CLCN3: variants seen among roughly 807,000 people sequenced by gnomAD.
CLCN3 encodes the protein Cl-/H+ antiporter 3.
CLCN3 carries 16 observed loss-of-function variants against 83.4 expected under a neutral mutation model. That is an observed-to-expected ratio of 0.19 (90% CI 0.13 to 0.29). The LOEUF (loss-of-function observed/expected upper bound fraction) is 0.29. Ranked by LOEUF, CLCN3 falls within the 10% of genes least tolerant of loss-of-function variation. CLCN3 has a pLI of 1.00. For synonymous variants in CLCN3, 322 were observed against 346.2 expected (o/e 0.93, Z 0.78); for missense variants, 544 against 1,006.0 (o/e 0.54, Z 6.21).
At chr4:169,679,937 G>A in intron 2 of CLCN3, 113 bp from the exon 3 acceptor site, 2 of 823,600 alleles carry the variant, frequency 2.4e-6, no homozygotes, top group Admixed American at 2.2e-5. Flanking sequence ...TGGAGACGAG[G>A]GAGAGGGAGA....
intron 2 of CLCN3, 104 bp downstream of exon 2, chr4:169,636,192 G>A (rs1007261282): frequency 2.9e-6 from 3 of 1,031,268 alleles, no homozygotes. Context: ...TTAAAAATTT[G>A]AGATCAAATT....
intron 4 of CLCN3, among the ~76,000 whole-genome samples, chr4:169,688,287 C>G (rs1444364931): frequency 6.6e-6 from 1 of 152,148 alleles, no homozygotes; most frequent in African/African-American, 2.4e-5. Flanking sequence ...AAGACCTATC[C>G]CCTTCATCAC....
rs1263399111 is a variant in CLCN3, at chr4:169,620,842, C to G, written c.-238C>G. 2.5e-6 allele frequency: 1 copy of G among 398,412 alleles called. No individual in the cohort carries two copies. Among genetic ancestry groups the G allele is most frequent in the Non-Finnish European group, 4.4e-6 (1 of 226,068 alleles). 24.7% of individuals were successfully genotyped at this position (398,412 alleles called of 1,614,324 possible). ...CGAGAGGATTTAACTTCATGTTGCT[C>G]CCGTGTTTGAAGGAGGACAATAAAA... On this transcript the variant is annotated 5_prime_UTR_variant, in exon 1 of 13. Transcript: ENST00000513761.
At chr4:169,657,126 A>G (rs1730910808) in intron 2 of CLCN3, among the ~76,000 whole-genome samples, 1 of 152,048 alleles carries the variant, frequency 6.6e-6, no homozygotes, top group Non-Finnish European at 1.5e-5. Context: ...ACATTGTGTC[A>G]TTTATATAGG....
chr4:169,698,527 C>T (rs1732655752), intron 9 of CLCN3, among the ~76,000 whole-genome samples: 2 of 152,074 alleles, frequency 1.3e-5, no homozygotes. Context: ...TTAATGTAGC[C>T]AAAGAAGTCT....
At chr4:169,660,189 T>A (rs947867307) in intron 2 of CLCN3, 3 of 1,170,536 alleles carry the variant, frequency 2.6e-6, no homozygotes, top group Non-Finnish European at 3.2e-6. Context: ...AATTTCCCTT[T>A]GATGACATCA....
intron 1 of CLCN3, among the ~76,000 whole-genome samples, chr4:169,624,155 A>C (rs1299171213): frequency 5.3e-5 from 8 of 151,982 alleles, no homozygotes; most frequent in Admixed American, 5.2e-4. Context: ...TTTTTTTGAG[A>C]TAGACTCTTG....
At chr4:169,688,521 A>T (rs942220622) in intron 4 of CLCN3, among the ~76,000 whole-genome samples, 10 of 152,130 alleles carry the variant, frequency 6.6e-5, no homozygotes, top group African/African-American at 2.2e-4. Context: ...TATGTAACCC[A>T]CTGATCTCTT....
chr4:169,670,333 G>A (rs1731409105), intron 2 of CLCN3, among the ~76,000 whole-genome samples: 1 of 152,126 alleles, frequency 6.6e-6, no homozygotes, highest in Non-Finnish European at 1.5e-5. Context: ...CATATGGATA[G>A]CCAGTTTTCC....
chr4:169,672,689 A>C (rs1361611582), intron 2 of CLCN3, among the ~76,000 whole-genome samples: 1 of 152,056 alleles, frequency 6.6e-6, no homozygotes, highest in Non-Finnish European at 1.5e-5. Context: ...TTTGAGATGG[A>C]GTCTTGCTCT....
chr4:169,659,140 A>G (rs992777422), intron 2 of CLCN3, among the ~76,000 whole-genome samples: 1 of 152,118 alleles, frequency 6.6e-6, no homozygotes, highest in Non-Finnish European at 1.5e-5. Flanking sequence ...CTTCTAATGA[A>G]CAACACCTTT....
intron 3 of CLCN3, among the ~76,000 whole-genome samples, chr4:169,685,543 A>G (rs1315485787): frequency 1.3e-5 from 2 of 152,024 alleles, no homozygotes; most frequent in Non-Finnish European, 2.9e-5. Context: ...ATTCTTTTTA[A>G]TTGCTGCAGA....
chr4:169,712,327 T>A (rs940039336), intron 11 of CLCN3, among the ~76,000 whole-genome samples: 2 of 152,186 alleles, frequency 1.3e-5, no homozygotes, highest in East Asian at 3.8e-4. Context: ...TCTTTGCCAC[T>A]TCTTGTCTAG....
chr4:169,669,255 G>A (rs1731369132), intron 2 of CLCN3, among the ~76,000 whole-genome samples: 1 of 152,158 alleles, frequency 6.6e-6, no homozygotes, highest in Non-Finnish European at 1.5e-5. Context: ...AAATTAACTG[G>A]AAAAGAGGAT....
intron 2 of CLCN3, among the ~76,000 whole-genome samples, chr4:169,669,649 G>C (rs558338533): frequency 2.0e-5 from 3 of 152,258 alleles, no homozygotes; most frequent in Admixed American, 2.0e-4. Flanking sequence ...GATCTTACCT[G>C]TATCTCACTT....
intron 12 of CLCN3, among the ~76,000 whole-genome samples, chr4:169,719,532 C>T (rs570640012): frequency 6.6e-6 from 1 of 152,322 alleles, no homozygotes; most frequent in Admixed American, 6.5e-5. Flanking sequence ...TTTTACTGCT[C>T]TCTTCATGTG....
intron 2 of CLCN3, among the ~76,000 whole-genome samples, chr4:169,654,770 A>G (rs1406307175): frequency 2.0e-5 from 3 of 152,270 alleles, no homozygotes; most frequent in South Asian, 4.1e-4. Context: ...TGTGGCCCAG[A>G]AAAAAAGTCA....
intron 1 of CLCN3, among the ~76,000 whole-genome samples, chr4:169,634,267 G>A (rs1416435258): frequency 1.3e-5 from 2 of 152,134 alleles, no homozygotes; most frequent in African/African-American, 4.8e-5. Context: ...GTAGCCTCTA[G>A]CTAATGTTCA....
At chr4:169,651,699 A>AT (rs1205693314) in intron 2 of CLCN3, among the ~76,000 whole-genome samples, 1 of 152,034 alleles carries the variant, frequency 6.6e-6, no homozygotes, top group East Asian at 1.9e-4. Flanking sequence ...ACAACCATCC[A>AT]TTTTTTTCCT....
Sources: gnomAD v4.1 joint callset for allele counts (sites outside exome capture counted in the v4.1 genomes callset) on GRCh38, gnomAD v4.1.1 for gene constraint, MANE v1.5 for transcripts, NCBI Gene and HGNC (gene_info 2026-07-23, HGNC 2026-07-21) for gene names.